KIDINS220: variants seen among roughly 807,000 people sequenced by gnomAD.
KIDINS220 encodes the protein kinase D interacting substrate 220.
Under a neutral mutation model 157.6 loss-of-function variants are expected in KIDINS220, and 63 were observed. That is an observed-to-expected ratio of 0.40 (90% CI 0.33 to 0.49). The LOEUF is 0.49. Among genes scored for constraint, KIDINS220 ranks in the 20% least tolerant of loss-of-function variants. The pLI is 0.66. For missense variants in KIDINS220, 1,772 were observed against 2,171.2 expected (o/e 0.82, Z 3.65); for synonymous variants, 732 against 783.6 (o/e 0.93, Z 1.10).
chr2:8,757,340 T>C (rs1668136121), intron 22 of KIDINS220: 2 of 1,049,298 alleles, frequency 1.9e-6, no homozygotes, highest in African/African-American at 1.7e-5. Flanking sequence ...CAAGATGAAT[T>C]ACCCTTTCAA....
intron 11 of KIDINS220, among the ~76,000 whole-genome samples, chr2:8,794,820 A>T (rs115648822): frequency 7.2e-5 from 11 of 152,300 alleles, no homozygotes; most frequent in African/African-American, 2.6e-4. Context: ...AATGAAAATG[A>T]CCTACACATT....
chr2:8,795,445 G>A (rs868633362), intron 11 of KIDINS220, among the ~76,000 whole-genome samples: 5 of 152,230 alleles, frequency 3.3e-5, no homozygotes, highest in Non-Finnish European at 5.9e-5. Flanking sequence ...TAATCAGAGA[G>A]CAGTGACGGG....
chr2:8,736,947 T>G lies in KIDINS220; in HGVS notation c.3638A>C (p.Asp1213Ala). 1 of 1,614,186 alleles carries G rather than the reference T, an allele frequency of 6.2e-7. No individual in the cohort carries two copies. Among genetic ancestry groups the G allele is most frequent in the Non-Finnish European group, 8.5e-7 (1 of 1,180,008 alleles). ...TTGTTTCAGCTTCTCACATACTGCATCCACATTCAGTGAATTCAGTAATAC... is the reference window on the plus strand; with the variant it reads ...TTGTTTCAGCTTCTCACATACTGCAGCCACATTCAGTGAATTCAGTAATAC... ...PVVLLNSLNV[D>A]AVCEKLKQIE... Residue 1213 changes from aspartate (D) to alanine (A), a missense_variant, in exon 27 of 30, where the codon GAT becomes GCT. Asp to Ala is a moderately radical substitution (Grantham distance 126). Coordinates refer to ENST00000256707, the MANE Select transcript of KIDINS220 (RefSeq NM_020738.4).
Position 8,770,587 on chromosome 2 carries a change from T to C in KIDINS220, c.3011+83A>G, listed in dbSNP as rs10929557. On this transcript the variant is annotated intron_variant, in intron 22 of 29. Transcript: ENST00000256707. ...TATACATTTTATACATATTATTTTG[T>C]ATTGTCTGCTTTATACGCGTTTTTT... 189,624 of 712,312 alleles carry C rather than the reference T, an allele frequency of 0.27. 27,380 individuals carry two copies. The highest frequency in any genetic ancestry group is 0.32 in the African/African-American group (17,543 of 54,980). The allele number at this position is 712,312 out of a possible 1,614,324, so 44.1% of individuals were successfully genotyped here. A position where few individuals can be genotyped will look rare whatever the true frequency, so the allele number is the denominator to read the frequency against.
At chr2:8,825,208 C>G (rs1678570356) in intron 2 of KIDINS220, among the ~76,000 whole-genome samples, 1 of 151,706 alleles carries the variant, frequency 6.6e-6, no homozygotes, top group African/African-American at 2.4e-5. Flanking sequence ...CCCATCTCTA[C>G]TAAAAATATA....
chr2:8,791,958 G>A (rs1673247350), intron 12 of KIDINS220, among the ~76,000 whole-genome samples: 2 of 152,068 alleles, frequency 1.3e-5, no homozygotes. Flanking sequence ...ACAATAATTT[G>A]AACATTCTGG....
Position 8,729,013 on chromosome 2 carries a change from A to G in KIDINS220, c.*1707T>C, listed in dbSNP as rs1200118714. The G allele has an allele frequency of 2.0e-6, 2 of 979,656 alleles. No individual in the cohort carries two copies. The highest frequency in any genetic ancestry group is 6.2e-5 in the Admixed American group (1 of 16,256). The allele number at this position is 979,656 out of a possible 1,614,324, so 60.7% of individuals were successfully genotyped here. A position where few individuals can be genotyped will look rare whatever the true frequency, so the allele number is the denominator to read the frequency against. On this transcript the variant is annotated 3_prime_UTR_variant, in exon 30 of 30. Transcript: ENST00000256707. ...ATTTCACAAACAGTATAAAGAATGT[A>G]CTCCAATGATATTACGCGGCAACTA...
chr2:8,787,670 A>G (rs1292726312), intron 15 of KIDINS220, among the ~76,000 whole-genome samples: 1 of 151,186 alleles, frequency 6.6e-6, no homozygotes, highest in East Asian at 1.9e-4. Context: ...CTGGCTTAAT[A>G]CATTTTAAAT....
chr2:8,748,551 AC>A (rs1334345835), intron 24 of KIDINS220, among the ~76,000 whole-genome samples: 1 of 152,168 alleles, frequency 6.6e-6, no homozygotes, highest in Non-Finnish European at 1.5e-5. Flanking sequence ...TTTTTAAAAA[AC>A]GTGGGGAATC....
intron 20 of KIDINS220, 85 bp from the exon 21 acceptor site, chr2:8,776,977 T>TA: frequency 2.1e-6 from 3 of 1,415,390 alleles, no homozygotes; most frequent in Non-Finnish European, 2.9e-6. Flanking sequence ...TAAATGTTTA[T>TA]AACAAAAAAA....
At chr2:8,763,783 C>A (rs1487572128) in intron 22 of KIDINS220, among the ~76,000 whole-genome samples, 1 of 152,148 alleles carries the variant, frequency 6.6e-6, no homozygotes, top group Non-Finnish European at 1.5e-5. Flanking sequence ...CAATCCAAAG[C>A]AACTCCACCA....
intron 13 of KIDINS220, among the ~76,000 whole-genome samples, chr2:8,790,343 T>C (rs1310423460): frequency 6.6e-6 from 1 of 152,200 alleles, no homozygotes; most frequent in Non-Finnish European, 1.5e-5. Flanking sequence ...AAGATTTTCT[T>C]GAGATTTGTT....
intron 23 of KIDINS220, among the ~76,000 whole-genome samples, chr2:8,751,129 T>C (rs1667295759): frequency 1.6e-5 from 2 of 125,940 alleles, no homozygotes; most frequent in South Asian, 4.6e-4. Context: ...ATGGATATCA[T>C]GAAGTCATGA....
chr2:8,796,908 TTGA>T, intron 10 of KIDINS220, 39 bp from the exon 11 acceptor site: 1 of 1,404,490 alleles, frequency 7.1e-7, no homozygotes, highest in East Asian at 2.3e-5. Context: ...GATTAATAGC[TTGA>T]CTCCTGTGTT....
At chr2:8,810,137 G>T (rs1334449569) in intron 6 of KIDINS220, among the ~76,000 whole-genome samples, 1 of 152,122 alleles carries the variant, frequency 6.6e-6, no homozygotes, top group Non-Finnish European at 1.5e-5. Flanking sequence ...TTTCTTCAAG[G>T]TCTAGAGGAA....
intron 18 of KIDINS220, 81 bp from the exon 19 acceptor site, chr2:8,779,220 A>T: frequency 6.7e-6 from 10 of 1,503,278 alleles, no homozygotes; most frequent in Non-Finnish European, 9.0e-6. Context: ...AATATGTGCT[A>T]CCTTTTGGTG....
At chr2:8,772,730 T>G (rs1031056957) in intron 21 of KIDINS220, among the ~76,000 whole-genome samples, 1 of 152,258 alleles carries the variant, frequency 6.6e-6, no homozygotes, top group African/African-American at 2.4e-5. Context: ...GCACAATTTT[T>G]AATTAGGAAA....
At chr2:8,723,858 C>T (rs1663115019), downstream of KIDINS220, 1 of 152,232 alleles carries the variant, frequency 6.6e-6, no homozygotes, top group South Asian at 2.1e-4. Flanking sequence ...ATTAAATAAT[C>T]ATCCACATGG....
chr2:8,834,552 T>C (rs1680121182), intron 1 of KIDINS220, among the ~76,000 whole-genome samples: 1 of 151,792 alleles, frequency 6.6e-6, no homozygotes, highest in Non-Finnish European at 1.5e-5. Flanking sequence ...ACATACCACA[T>C]ACTTTGTTTT....
Sources: allele counts gnomAD v4.1 joint callset (sites outside exome capture counted in the v4.1 genomes callset), GRCh38; gene constraint gnomAD v4.1.1; transcripts MANE v1.5; gene names NCBI Gene and HGNC (gene_info 2026-07-23, HGNC 2026-07-21).